VPS54: variants seen among roughly 807,000 people sequenced by gnomAD.
VPS54 encodes VPS54 subunit of GARP complex, also known as vacuolar protein sorting-associated protein 54.
VPS54 carries 45 observed loss-of-function variants against 121.5 expected under a neutral mutation model. The observed-to-expected ratio is 0.37, with a 90% CI of 0.29 to 0.47. The LOEUF is 0.47. VPS54 is among the 20% of genes least tolerant of loss of function. The pLI is 0.99. For missense variants in VPS54, 1,090 were observed against 1,131.4 expected (o/e 0.96, Z 0.52); for synonymous variants, 371 against 385.8 (o/e 0.96, Z 0.45).
chr2:63,948,582 G>A (rs376183570), intron 8 of VPS54, among the ~76,000 whole-genome samples: 13 of 150,922 alleles, frequency 8.6e-5, no homozygotes, highest in African/African-American at 2.2e-4. Flanking sequence ...TTTATTTTTC[G>A]TAGAGATGGA....
chr2:63,970,202 AATATATAT>A (rs560705872), intron 4 of VPS54, among the ~76,000 whole-genome samples: 12 of 58,792 alleles, frequency 2.0e-4, no homozygotes, highest in Non-Finnish European at 3.7e-4. Flanking sequence ...ATTAAAAAAA[AATATATAT>A]ATACACACAC....
chr2:63,921,115 G>T, intron 13 of VPS54, 91 bp downstream of exon 13: 1 of 1,328,198 alleles, frequency 7.5e-7, no homozygotes, highest in Non-Finnish European at 1.0e-6. Context: ...AATATAATAT[G>T]CATTATGGGG....
intron 1 of VPS54, 31 bp from the exon 2 acceptor site, chr2:63,984,050 C>T: frequency 6.6e-7 from 1 of 1,511,150 alleles, no homozygotes; most frequent in Non-Finnish European, 8.9e-7. Context: ...CTAATTAAGA[C>T]ACCGCAAATC....
At chr2:63,929,732 G>A (rs1283569748) in intron 12 of VPS54, among the ~76,000 whole-genome samples, 2 of 150,866 alleles carry the variant, frequency 1.3e-5, no homozygotes, top group Non-Finnish European at 3.0e-5. Flanking sequence ...ATGAATCCAG[G>A]AGCTGGTTTT....
chr2:63,913,044 T>C (rs1673221963), intron 18 of VPS54, among the ~76,000 whole-genome samples, 179 bp downstream of exon 18: 1 of 152,158 alleles, frequency 6.6e-6, no homozygotes, highest in Non-Finnish European at 1.5e-5. Flanking sequence ...ATCGTAACCT[T>C]TTCCCCATGG....
intron 1 of VPS54, among the ~76,000 whole-genome samples, chr2:64,013,458 A>AG (rs1163631642): frequency 6.6e-6 from 1 of 151,728 alleles, no homozygotes; most frequent in Non-Finnish European, 1.5e-5. Flanking sequence ...CCTGCATTTG[A>AG]GGGGGGAAAA....
chr2:63,901,290 G>A (rs1672670222), intron 20 of VPS54, among the ~76,000 whole-genome samples: 1 of 152,182 alleles, frequency 6.6e-6, no homozygotes, highest in Non-Finnish European at 1.5e-5. Context: ...CCTCTGAGGA[G>A]AGGTGATACA....
intron 1 of VPS54, among the ~76,000 whole-genome samples, chr2:63,984,498 C>A (rs1676949847): frequency 6.6e-6 from 1 of 152,120 alleles, no homozygotes; most frequent in African/African-American, 2.4e-5. Context: ...ATCCTGTTAC[C>A]AATTATGAGA....
At chr2:63,967,088 G>C (rs913845440) in intron 5 of VPS54, among the ~76,000 whole-genome samples, 8 of 152,012 alleles carry the variant, frequency 5.3e-5, no homozygotes, top group Non-Finnish European at 1.0e-4. Context: ...TTCTTGCAGG[G>C]TTAAATTTAT....
At chr2:63,996,136 G>A (rs1677577054) in intron 1 of VPS54, among the ~76,000 whole-genome samples, 1 of 152,238 alleles carries the variant, frequency 6.6e-6, no homozygotes, top group Non-Finnish European at 1.5e-5. Flanking sequence ...GAGAGATGTT[G>A]CAGGAAGTCA....
intron 7 of VPS54, among the ~76,000 whole-genome samples, chr2:63,951,987 A>G (rs978947028): frequency 6.6e-6 from 1 of 152,142 alleles, no homozygotes; most frequent in African/African-American, 2.4e-5. Context: ...TATTTACTGA[A>G]TATCAATGGT....
intron 1 of VPS54, among the ~76,000 whole-genome samples, chr2:64,001,523 G>A (rs190488524): frequency 8.0e-4 from 122 of 152,248 alleles, no homozygotes; most frequent in African/African-American, 1.5e-3. Flanking sequence ...GGCCCATGGC[G>A]TACTACGTGG....
intron 12 of VPS54, among the ~76,000 whole-genome samples, chr2:63,928,823 A>C (rs1674044318): frequency 1.3e-5 from 2 of 148,574 alleles, no homozygotes; most frequent in African/African-American, 2.6e-5. Context: ...AGATCTACCA[A>C]GCAAATGGAA....
At chr2:64,004,777 CAT>C (rs1364348804) in intron 1 of VPS54, among the ~76,000 whole-genome samples, 2 of 152,064 alleles carry the variant, frequency 1.3e-5, no homozygotes, top group Non-Finnish European at 2.9e-5. Flanking sequence ...TAAATTATAA[CAT>C]AGTATTATTT....
chr2:64,008,297 C>A (rs1212705866), intron 1 of VPS54, among the ~76,000 whole-genome samples: 1 of 151,924 alleles, frequency 6.6e-6, no homozygotes, highest in Non-Finnish European at 1.5e-5. Flanking sequence ...ACCTGTAATC[C>A]CAGCTACTCA....
At chr2:63,972,036 T>C (rs1676306250) in intron 4 of VPS54, 130 bp downstream of exon 4, 6 of 463,608 alleles carry the variant, frequency 1.3e-5, no homozygotes, top group East Asian at 3.4e-5. Flanking sequence ...AATATTATAA[T>C]CATAGGTTAT....
rs1474222187 is a variant in VPS54, at chr2:63,892,340, G to C, written c.*1090C>G. 3.9e-5 allele frequency: 6 copies of C among 152,144 alleles called. No individual in the cohort carries two copies. In the East Asian group the frequency reaches 9.6e-4, roughly 24 times the overall value. 9.4% of individuals were successfully genotyped at this position (152,144 alleles called of 1,614,324 possible). On this transcript the variant is annotated 3_prime_UTR_variant, in exon 23 of 23. Coordinates refer to ENST00000272322, the MANE Select transcript of VPS54 (RefSeq NM_016516.3). ...GGTTAGGCAAGATTCTTGGTGTGAGGTGAAGCACAGGCACTTTATTTGTAC... is the reference window on the plus strand; with the variant it reads ...GGTTAGGCAAGATTCTTGGTGTGAGCTGAAGCACAGGCACTTTATTTGTAC...
rs571544801 is a variant in VPS54, at chr2:63,892,465, T to C, written c.*965A>G. 2 of 152,658 alleles carry C rather than the reference T, an allele frequency of 1.3e-5. No individual in the cohort carries two copies. Among genetic ancestry groups the C allele is most frequent in the South Asian group, 4.1e-4 (2 of 4,824 alleles). 9.5% of individuals were successfully genotyped at this position (152,658 alleles called of 1,614,324 possible). On this transcript the variant is annotated 3_prime_UTR_variant, in exon 23 of 23. Transcript: ENST00000272322. ...CAGCAGCCTATAGTTTTAAAAGTTC[T>C]GTTTCTCCCTGGTCTTTGTTCGTAT... is the stretch of plus-strand genomic sequence containing the variant.
intron 4 of VPS54, among the ~76,000 whole-genome samples, chr2:63,970,256 T>G: frequency 7.5e-6 from 1 of 133,454 alleles, no homozygotes; most frequent in Admixed American, 7.8e-5. Flanking sequence ...TATATATAGA[T>G]ATATATAGAT....
Sources: gnomAD v4.1 joint callset for allele counts (sites outside exome capture counted in the v4.1 genomes callset) on GRCh38, gnomAD v4.1.1 for gene constraint, MANE v1.5 for transcripts, NCBI Gene and HGNC (gene_info 2026-07-23, HGNC 2026-07-21) for gene names.